HDGFL3: variants seen among roughly 807,000 people sequenced by gnomAD.
HDGFL3 encodes the protein HDGF like 3.
HDGFL3 carries 6 observed loss-of-function variants against 27.6 expected under a neutral mutation model. That is an observed-to-expected ratio of 0.22 (90% CI 0.12 to 0.43). The LOEUF (loss-of-function observed/expected upper bound fraction) is 0.43, where lower values mean the gene tolerates loss of function less well. HDGFL3 is among the 20% of genes least tolerant of loss of function. The pLI is 1.00. For missense variants in HDGFL3, 207 were observed against 250.1 expected (o/e 0.83, Z 1.16); for synonymous variants, 88 against 88.9 (o/e 0.99, Z 0.05).
intron 1 of HDGFL3, among the ~76,000 whole-genome samples, chr15:83,183,228 T>G (rs1234949876): frequency 6.6e-6 from 1 of 151,864 alleles, no homozygotes; most frequent in African/African-American, 2.4e-5. Flanking sequence ...ATTACCTGGG[T>G]GACAAAACAA....
At chr15:83,144,137 C>T (rs1018168942) in intron 5 of HDGFL3, among the ~76,000 whole-genome samples, 10 of 152,138 alleles carry the variant, frequency 6.6e-5, no homozygotes, top group African/African-American at 1.9e-4. Context: ...GCAATTCTCC[C>T]GCCTCAGCCC....
intron 1 of HDGFL3, among the ~76,000 whole-genome samples, chr15:83,188,496 T>C (rs1204298014): frequency 6.6e-6 from 1 of 152,228 alleles, no homozygotes; most frequent in Non-Finnish European, 1.5e-5. Flanking sequence ...ATGATCCGCC[T>C]ACCTTGGCCT....
At chr15:83,206,389 G>A (rs569821643) in intron 1 of HDGFL3, among the ~76,000 whole-genome samples, 1 of 152,100 alleles carries the variant, frequency 6.6e-6, no homozygotes, top group Non-Finnish European at 1.5e-5. Flanking sequence ...CTTATTTCAA[G>A]CAATCAACTG....
At chr15:83,194,620 A>G (rs1250434106) in intron 1 of HDGFL3, among the ~76,000 whole-genome samples, 1 of 152,148 alleles carries the variant, frequency 6.6e-6, no homozygotes, top group Non-Finnish European at 1.5e-5. Flanking sequence ...GCTTATTCCA[A>G]GTCTGGTTTT....
intron 1 of HDGFL3, among the ~76,000 whole-genome samples, chr15:83,164,422 G>T (rs985437572): frequency 2.2e-5 from 3 of 138,778 alleles, no homozygotes; most frequent in Admixed American, 1.4e-4. Flanking sequence ...CTTCTTTTGA[G>T]TAACAGTGAA....
At chr15:83,141,303 G>A (rs2036765885) in intron 5 of HDGFL3, among the ~76,000 whole-genome samples, 1 of 152,130 alleles carries the variant, frequency 6.6e-6, no homozygotes, top group African/African-American at 2.4e-5. Context: ...GAGGCACACT[G>A]AGAGGCTATA....
chr15:83,127,239 C>A, downstream of HDGFL3: 2 of 1,003,654 alleles, frequency 2.0e-6, no homozygotes, highest in Non-Finnish European at 2.7e-6. Flanking sequence ...AAAAAGAGTC[C>A]CATATAGGAA....
intron 1 of HDGFL3, among the ~76,000 whole-genome samples, chr15:83,177,630 G>A (rs1246331821): frequency 6.6e-6 from 1 of 152,076 alleles, no homozygotes; most frequent in Non-Finnish European, 1.5e-5. Context: ...TTAATCAATG[G>A]ATAATCTTTG....
intron 1 of HDGFL3, among the ~76,000 whole-genome samples, chr15:83,170,034 A>G (rs1248540588): frequency 6.6e-6 from 1 of 152,210 alleles, no homozygotes; most frequent in African/African-American, 2.4e-5. Flanking sequence ...AGATCTCTAC[A>G]AGGAGAACTA....
intron 1 of HDGFL3, among the ~76,000 whole-genome samples, chr15:83,197,526 T>C (rs2037586440): frequency 1.3e-5 from 2 of 152,110 alleles, no homozygotes; most frequent in African/African-American, 4.8e-5. Flanking sequence ...ACAAAACCAT[T>C]AGAAACATGT....
chr15:83,119,756 A>G lies in HDGFL3; in HGVS notation c.394-4015T>C, dbSNP rs867670551. 6.9e-6 allele frequency: 11 copies of G among 1,597,374 alleles called. No individual in the cohort carries two copies. In the Middle Eastern group the frequency reaches 1.2e-3, roughly 170 times the overall value. The stretch of plus-strand genomic sequence containing the variant: ...GCGGGTATGTAAGGAAACGTTATGC[A>G]TAGAGGCAAATACACAAGCAGGTAT... On this transcript the variant is annotated intron_variant, in intron 3 of 3. Coordinates refer to the HDGFL3 transcript ENST00000568294.
At chr15:83,176,567 A>G (rs1264559243) in intron 1 of HDGFL3, among the ~76,000 whole-genome samples, 1 of 152,118 alleles carries the variant, frequency 6.6e-6, no homozygotes, top group Non-Finnish European at 1.5e-5. Flanking sequence ...AAAACTTATT[A>G]TCAGAGTTTC....
intron 1 of HDGFL3, among the ~76,000 whole-genome samples, chr15:83,201,026 A>G (rs188836687): frequency 3.0e-3 from 452 of 152,222 alleles, no homozygotes; most frequent in Non-Finnish European, 4.7e-3. Flanking sequence ...AGGAGAAATT[A>G]ATATTTGTAA....
intron 1 of HDGFL3, among the ~76,000 whole-genome samples, chr15:83,167,644 T>C (rs2037188558): frequency 6.6e-6 from 1 of 151,286 alleles, no homozygotes; most frequent in South Asian, 2.1e-4. Flanking sequence ...ATTCGAAATA[T>C]GTACATGCCC....
In HDGFL3 at chr15:83,207,795, G is replaced by T. The variant is rs1053489271; in HGVS notation, c.-381C>A. 2.0e-5 allele frequency: 3 copies of T among 150,218 alleles called. No homozygotes were observed. Among genetic ancestry groups the T allele is most frequent in the Admixed American group, 2.0e-4 (3 of 15,098 alleles). The allele number at this position is 150,218 out of a possible 1,614,324, so 9.3% of individuals were successfully genotyped here. ...GCTCCCGGGCGCGGCGCGAGCGCCG[G>T]GCCTCGCGTCTGCTCCGAATTCCTT... On this transcript the variant is annotated 5_prime_UTR_variant, in exon 1 of 6. Coordinates refer to ENST00000299633, the MANE Select transcript of HDGFL3 (RefSeq NM_016073.4). This position sits in a 1 kb window ranked among gnomAD's most constrained non-coding sequence, Gnocchi z 4.8.
At chr15:83,127,433 T>C (rs2035868906), downstream of HDGFL3, 6 of 1,613,844 alleles carry the variant, frequency 3.7e-6, no homozygotes, top group Non-Finnish European at 1.7e-6. Context: ...TGGATGTTCC[T>C]GGATGCCTGA....
chr15:83,126,193 CAA>C (rs1303434912), downstream of HDGFL3, among the ~76,000 whole-genome samples: 1 of 151,942 alleles, frequency 6.6e-6, no homozygotes, highest in Non-Finnish European at 1.5e-5. Flanking sequence ...CATTTATGGC[CAA>C]AGACATGAGG....
At chr15:83,114,475 A>C (rs1021753657) in exon 4 of HDGFL3, 5 of 152,348 alleles carry the variant, frequency 3.3e-5, no homozygotes, top group African/African-American at 1.2e-4. Context: ...GGCTTCTGGA[A>C]AATGAGTATC....
chr15:83,147,440 C>T (rs2036912429), intron 5 of HDGFL3, among the ~76,000 whole-genome samples: 1 of 152,044 alleles, frequency 6.6e-6, no homozygotes, highest in African/African-American at 2.4e-5. Context: ...TGACTTGGAT[C>T]ATTCTTACTA....
Sources: allele counts gnomAD v4.1 joint callset (sites outside exome capture counted in the v4.1 genomes callset), GRCh38; gene constraint gnomAD v4.1.1; non-coding constraint Gnocchi (gnomAD v3.1); transcripts MANE v1.5; gene names NCBI Gene and HGNC (gene_info 2026-07-23, HGNC 2026-07-21).